Variants in ECT2 observed in about 807,000 individuals in gnomAD.
The protein encoded by ECT2 is epithelial cell transforming 2.
Under a neutral mutation model 116.9 loss-of-function variants are expected in ECT2, and 61 were observed. The observed-to-expected ratio is 0.52, with a 90% CI of 0.42 to 0.65. ECT2 has a LOEUF of 0.65. Ranked by LOEUF, ECT2 falls within the 30% of genes least tolerant of loss-of-function variation. The probability of loss-of-function intolerance (pLI) is 0.00; values close to 1 mark genes in which losing one functional copy is unlikely to be tolerated. For synonymous variants in ECT2, 358 were observed against 346.4 expected (o/e 1.03, Z -0.37); for missense variants, 937 against 1,078.7 (o/e 0.87, Z 1.84).
intron 18 of ECT2, among the ~76,000 whole-genome samples, chr3:172,794,541 T>G (rs1725265509): frequency 6.6e-6 from 1 of 152,186 alleles, no homozygotes; most frequent in Non-Finnish European, 1.5e-5. Context: ...CTTCCAACTT[T>G]GTTCTTTTTC....
chr3:172,753,661 A>G (rs1716379346), intron 1 of ECT2, among the ~76,000 whole-genome samples: 1 of 152,216 alleles, frequency 6.6e-6, no homozygotes, highest in Non-Finnish European at 1.5e-5. Flanking sequence ...GGGTTGGAAG[A>G]CAAGATAGGT....
At chr3:172,807,080 G>A (rs1560017051) in intron 21 of ECT2, among the ~76,000 whole-genome samples, 1 of 152,122 alleles carries the variant, frequency 6.6e-6, no homozygotes, top group Non-Finnish European at 1.5e-5. Context: ...GACCTCCCTT[G>A]GTTACCAAAA....
intron 16 of ECT2, among the ~76,000 whole-genome samples, chr3:172,784,232 G>T (rs901094358): frequency 1.3e-5 from 2 of 151,938 alleles, no homozygotes; most frequent in Admixed American, 1.3e-4. Context: ...GATTGCTTGA[G>T]GCTAGGAGTT....
intron 18 of ECT2, among the ~76,000 whole-genome samples, chr3:172,791,632 G>T (rs1724690868): frequency 6.6e-6 from 1 of 152,110 alleles, no homozygotes; most frequent in Non-Finnish European, 1.5e-5. Flanking sequence ...ACCTCTCTCA[G>T]CTTTTGCAGA....
intron 24 of ECT2, 83 bp downstream of exon 24, chr3:172,816,920 T>C: frequency 8.7e-7 from 1 of 1,149,968 alleles, no homozygotes. Flanking sequence ...ATTGGAAATA[T>C]TTCTTCCATT....
intron 4 of ECT2, 32 bp from the exon 5 acceptor site, chr3:172,756,951 A>C (rs367969096): frequency 6.5e-7 from 1 of 1,538,502 alleles, no homozygotes; most frequent in Admixed American, 2.2e-5. Context: ...TATATAAATA[A>C]TTTTTATTTC....
intron 12 of ECT2, among the ~76,000 whole-genome samples, chr3:172,767,755 C>A (rs919256715): frequency 1.4e-5 from 2 of 147,162 alleles, no homozygotes; most frequent in African/African-American, 5.4e-5. Context: ...CTTGCTTGGT[C>A]GCCAGGCTGG....
In ECT2 at chr3:172,762,824, G is replaced by A. The variant is rs749057791; in HGVS notation, c.1005+18G>A. On this transcript the variant is annotated intron_variant, in intron 10 of 24. Transcript: ENST00000392692. The stretch of plus-strand genomic sequence containing the variant: ...AGCAAGAGGCAAGTAATTCTAGAAT[G>A]AGGTTGGTTTTTAAAAACACTATTA... The A allele has an allele frequency of 3.1e-6, 5 of 1,609,726 alleles. No individual in the cohort carries two copies. The highest frequency in any genetic ancestry group is 4.2e-6 in the Non-Finnish European group (5 of 1,178,194).
intron 18 of ECT2, among the ~76,000 whole-genome samples, chr3:172,792,585 T>C (rs1429476363): frequency 6.6e-6 from 1 of 152,188 alleles, no homozygotes; most frequent in African/African-American, 2.4e-5. Context: ...GGCATTTTGG[T>C]TGTTTCCAGT....
chr3:172,759,059 A>G lies in ECT2; in HGVS notation c.566A>G (p.Lys189Arg), dbSNP rs756151763. 10 of 1,592,720 alleles carry G rather than the reference A, an allele frequency of 6.3e-6. No homozygotes were observed. The Admixed American group carries it at 1.4e-4, about 22-fold the overall frequency. The stretch of plus-strand genomic sequence containing the variant: ...CTATGCTTTACTGGATTTAGGAAAA[A>G]AGAAGAACTAGTAAGTATTACGAAA... ...LVLCFTGFRK[K>R]EELVRLVTLV... Residue 189 changes from lysine (K) to arginine (R), a missense_variant, in exon 6 of 25, where the codon AAA becomes AGA. Transcript: ENST00000392692.
At chr3:172,776,534 G>T (rs972769014) in intron 14 of ECT2, among the ~76,000 whole-genome samples, 2 of 151,984 alleles carry the variant, frequency 1.3e-5, no homozygotes, top group African/African-American at 4.8e-5. Flanking sequence ...CATCTATTGA[G>T]CAAGAAGTTG....
At chr3:172,763,024 A>G (rs1576861253) in intron 11 of ECT2, 52 bp downstream of exon 11, 1 of 1,580,818 alleles carries the variant, frequency 6.3e-7, no homozygotes, top group Non-Finnish European at 8.7e-7. Context: ...TTGTTTGAAA[A>G]TAACACTTTT....
chr3:172,820,491 A>G lies in ECT2; in HGVS notation c.*254A>G, dbSNP rs1284130149. 3.7e-6 allele frequency: 1 copy of G among 273,690 alleles called. No homozygotes were observed. Among genetic ancestry groups the G allele is most frequent in the African/African-American group, 2.2e-5 (1 of 45,188 alleles). The allele number at this position is 273,690 out of a possible 1,614,324, so 17.0% of individuals were successfully genotyped here. ...GTTTGAATCTGTCATTCAAAGGCCA[A>G]TAATTTAAGTTGCTATCAGCTGATA... is the stretch of plus-strand genomic sequence containing the variant. On this transcript the variant is annotated 3_prime_UTR_variant, in exon 25 of 25. Coordinates refer to ENST00000392692, the MANE Select transcript of ECT2 (RefSeq NM_001258315.2).
At chr3:172,791,739 T>C (rs764240007) in intron 18 of ECT2, among the ~76,000 whole-genome samples, 2 of 152,248 alleles carry the variant, frequency 1.3e-5, no homozygotes, top group African/African-American at 2.4e-5. Context: ...TCAGACATTC[T>C]TCATATCAGT....
At chr3:172,788,413 A>G (rs761487895) in intron 18 of ECT2, among the ~76,000 whole-genome samples, 1 of 152,188 alleles carries the variant, frequency 6.6e-6, no homozygotes, top group Non-Finnish European at 1.5e-5. Flanking sequence ...AGTTTGATTA[A>G]TTTCAGCACA....
intron 4 of ECT2, among the ~76,000 whole-genome samples, 197 bp from the exon 5 acceptor site, chr3:172,756,786 G>A (rs1717070545): frequency 6.6e-6 from 1 of 152,130 alleles, no homozygotes. Context: ...ATATGTATAT[G>A]TAAAAATGTA....
intron 18 of ECT2, among the ~76,000 whole-genome samples, chr3:172,789,228 T>G (rs1295111303): frequency 1.3e-5 from 2 of 150,374 alleles, no homozygotes; most frequent in South Asian, 2.1e-4. Context: ...TTGTTTTTTT[T>G]TTTTTTTTGA....
chr3:172,820,224 C>T lies in ECT2; in HGVS notation c.2732C>T (p.Thr911Ile). ...RRSHTLSRSTTHLI is the reference protein window; with the variant it reads ...RRSHTLSRSTIHLI ...AGTCATACGTTAAGTAGATCTACAA[C>T]TCATTTGATATGAAGCGTTACCAAA... Residue 911 changes from threonine to isoleucine, a missense_variant, in exon 25 of 25, where the codon ACT (threonine) becomes ATT (isoleucine). Coordinates refer to ENST00000392692, the MANE Select transcript of ECT2 (RefSeq NM_001258315.2). 1 of 1,605,512 alleles carries T rather than the reference C, an allele frequency of 6.2e-7. No homozygotes were observed. Among genetic ancestry groups the T allele is most frequent in the Non-Finnish European group, 8.5e-7 (1 of 1,175,144 alleles).
At position 172,802,690 on chromosome 3, in the gene ECT2, G is replaced by A; in HGVS notation, c.1982G>A (p.Cys661Tyr). ...GATGTTGTTTATGAAGTAGATGGAT[G>A]CCCAGTAAGTATTCTTCTTTAACAA... ...IFDVVYEVDG[C>Y]PANLLSSHRS... Residue 661 changes from cysteine to tyrosine, a missense_variant, in exon 19 of 25, where the codon TGC becomes TAC. Coordinates refer to ENST00000392692, the MANE Select transcript of ECT2 (RefSeq NM_001258315.2). 1 of 1,597,278 alleles carries A rather than the reference G, an allele frequency of 6.3e-7. No individual in the cohort carries two copies. Among genetic ancestry groups the A allele is most frequent in the Non-Finnish European group, 8.5e-7 (1 of 1,171,232 alleles).
Sources: allele counts gnomAD v4.1 joint callset (sites outside exome capture counted in the v4.1 genomes callset), GRCh38; gene constraint gnomAD v4.1.1; transcripts MANE v1.5; gene names NCBI Gene and HGNC (gene_info 2026-07-23, HGNC 2026-07-21).